Variants in BCKDHB observed in about 807,000 individuals in gnomAD.
BCKDHB encodes the protein branched chain keto acid dehydrogenase E1 subunit beta.
In BCKDHB, 41 loss-of-function variants were observed where a neutral mutation model predicts 48.5. The ratio of observed to expected loss-of-function variants is 0.85; its 90% CI spans 0.66 to 1.10. BCKDHB has a LOEUF of 1.10. BCKDHB is among the 50% of genes least tolerant of loss of function. BCKDHB has a pLI of 0.00. For missense variants in BCKDHB, 496 were observed against 494.2 expected, an observed-to-expected ratio of 1.00 and a Z score of -0.03; for synonymous variants, 201 against 174.8, an observed-to-expected ratio of 1.15 and a Z score of -1.18.
the BCKDHB span, among the ~76,000 whole-genome samples, chr6:80,386,029 A>G: frequency 6.6e-6 from 1 of 152,164 alleles, no homozygotes; most frequent in South Asian, 2.1e-4. Context: ...GAAATGCCTG[A>G]TCTCCCTTGG....
intron 9 of BCKDHB, among the ~76,000 whole-genome samples, chr6:80,314,949 C>G (rs1015211554): frequency 2.6e-5 from 4 of 152,190 alleles, no homozygotes; most frequent in African/African-American, 9.6e-5. Flanking sequence ...GCAAAGCCCA[C>G]GGGCTGGAAT....
chr6:80,174,167 G>C lies in BCKDHB; in HGVS notation c.742+2777G>C, dbSNP rs146671248. 1.7e-3 allele frequency among the ~76,000 whole-genome samples: 264 copies of C among 152,164 alleles called. 1 individual carries two copies. Among genetic ancestry groups the C allele is most frequent in the African/African-American group, 6.0e-3 (250 of 41,522 alleles). On this transcript the variant is annotated intron_variant, in intron 6 of 9. Transcript: ENST00000320393. Reference sequence around the variant, plus strand: ...TGTACATTTGGGAATAGTTAAAATTGAATGGATGAAAACACAAAATTGTAC... The same window carrying C: ...TGTACATTTGGGAATAGTTAAAATTCAATGGATGAAAACACAAAATTGTAC...
the BCKDHB span, among the ~76,000 whole-genome samples, chr6:80,412,336 G>A: frequency 6.6e-6 from 1 of 151,648 alleles, no homozygotes; most frequent in Non-Finnish European, 1.5e-5. Flanking sequence ...TAGTAGAGAT[G>A]GGGTTTCACC....
intron 8 of BCKDHB, among the ~76,000 whole-genome samples, chr6:80,235,820 G>T (rs1228861135): frequency 1.3e-5 from 2 of 152,170 alleles, no homozygotes; most frequent in Non-Finnish European, 1.5e-5. Context: ...GATGGCAACA[G>T]GACAATGGTC....
chr6:80,417,209 CTCTA>C, the BCKDHB span, among the ~76,000 whole-genome samples: 4 of 151,844 alleles, frequency 2.6e-5, no homozygotes, highest in Admixed American at 2.0e-4. Flanking sequence ...GTAGATTTTT[CTCTA>C]TCTGTTTATT....
intron 8 of BCKDHB, among the ~76,000 whole-genome samples, chr6:80,208,022 T>C (rs1048767708): frequency 6.6e-6 from 1 of 151,818 alleles, no homozygotes; most frequent in African/African-American, 2.4e-5. Flanking sequence ...TTGTCCTAAT[T>C]GTGCACCAAA....
At chr6:80,348,643 T>G (rs1441093627), downstream of BCKDHB, among the ~76,000 whole-genome samples, 1 of 152,194 alleles carries the variant, frequency 6.6e-6, no homozygotes, top group Non-Finnish European at 1.5e-5. Context: ...GTCTCAAATT[T>G]TCACCTGCTC....
intron 9 of BCKDHB, among the ~76,000 whole-genome samples, chr6:80,303,197 T>G (rs1767674351): frequency 6.6e-6 from 1 of 152,148 alleles, no homozygotes; most frequent in African/African-American, 2.4e-5. Context: ...ATGCTTTATA[T>G]ATATATATTT....
At chr6:80,420,319 T>C in the BCKDHB span, among the ~76,000 whole-genome samples, 2 of 152,200 alleles carry the variant, frequency 1.3e-5, no homozygotes, top group Non-Finnish European at 2.9e-5. Flanking sequence ...AAAAAGGCCT[T>C]CTACATATTC....
chr6:80,185,479 G>T (rs554656689), intron 6 of BCKDHB, among the ~76,000 whole-genome samples: 2 of 152,154 alleles, frequency 1.3e-5, no homozygotes, highest in Admixed American at 6.5e-5. Flanking sequence ...GTGATCTTTT[G>T]GGGGTGTTAC....
chr6:80,309,274 A>AGGCTG (rs1304170018), intron 9 of BCKDHB, among the ~76,000 whole-genome samples: 1 of 151,954 alleles, frequency 6.6e-6, no homozygotes, highest in Non-Finnish European at 1.5e-5. Context: ...CATGTTGGCC[A>AGGCTG]GGCTGGTCTT....
chr6:80,300,549 A>G (rs532419041), intron 9 of BCKDHB, among the ~76,000 whole-genome samples: 1 of 152,308 alleles, frequency 6.6e-6, no homozygotes, highest in East Asian at 1.9e-4. Context: ...CGACAACCAC[A>G]CAGTAATAGT....
chr6:80,162,707 T>G (rs1772376279), intron 3 of BCKDHB, among the ~76,000 whole-genome samples: 2 of 151,938 alleles, frequency 1.3e-5, no homozygotes, highest in Non-Finnish European at 2.9e-5. Context: ...AAAAATTAGC[T>G]GGGCGTGGTC....
At chr6:80,318,521 C>T (rs573380027) in intron 9 of BCKDHB, among the ~76,000 whole-genome samples, 2 of 151,944 alleles carry the variant, frequency 1.3e-5, no homozygotes, top group African/African-American at 4.8e-5. Flanking sequence ...ACCCCATCTA[C>T]TAAAAATATA....
rs574091417 is a variant in BCKDHB at position 80,194,539 on chromosome 6, C to G, written c.743-6395C>G. ...ATTCTGGGGAAGACAGTTCCTTTGT[C>G]TTTTTTGTCTGTCATGGTCGCCACA... On this transcript the variant is annotated intron_variant, in intron 6 of 9. Coordinates refer to ENST00000320393, the MANE Select transcript of BCKDHB (RefSeq NM_183050.4). Among the ~76,000 whole-genome samples the G allele has an allele frequency of 4.6e-5, 7 of 152,228 alleles. No individual in the cohort carries two copies. The South Asian group carries it at 8.3e-4, about 18-fold the overall frequency.
rs182001451 is a variant in BCKDHB at position 80,211,627 on chromosome 6, C to T, written c.951+8415C>T. On this transcript the variant is annotated intron_variant, in intron 8 of 9. Transcript: ENST00000320393. ...CCTACAAGAATTTACCTGATTTCAT[C>T]GCTTTCCACCTCCTACCACCCATCC... is the stretch of plus-strand genomic sequence containing the variant. Among the ~76,000 whole-genome samples the T allele has an allele frequency of 2.1e-4, 32 of 152,266 alleles. No homozygotes were observed. In the East Asian group the frequency reaches 4.8e-3, roughly 23 times the overall value.
chr6:80,247,725 G>C, intron 8 of BCKDHB, among the ~76,000 whole-genome samples: 1 of 152,316 alleles, frequency 6.6e-6, no homozygotes, highest in Admixed American at 6.5e-5. Flanking sequence ...ACAGTGAAGG[G>C]AAATGGTTCT....
chr6:80,242,358 T>A (rs1776424188), intron 8 of BCKDHB, among the ~76,000 whole-genome samples: 1 of 152,204 alleles, frequency 6.6e-6, no homozygotes, highest in Non-Finnish European at 1.5e-5. Flanking sequence ...TTGTGTCTTT[T>A]TAGAGCCTTA....
the BCKDHB span, among the ~76,000 whole-genome samples, chr6:80,402,170 T>C: frequency 6.6e-6 from 1 of 151,856 alleles, no homozygotes; most frequent in Non-Finnish European, 1.5e-5. Context: ...TAGTTCTACT[T>C]TTAATTTTTT....
Sources: allele counts gnomAD v4.1 joint callset (sites outside exome capture counted in the v4.1 genomes callset), GRCh38; gene constraint gnomAD v4.1.1; transcripts MANE v1.5; gene names NCBI Gene and HGNC (gene_info 2026-07-23, HGNC 2026-07-21).